Variants in GALNT16 observed in about 807,000 individuals in gnomAD.
GALNT16 encodes the protein polypeptide N-acetylgalactosaminyltransferase 16, also known as UDP-GalNAc:polypeptide N-acetylgalactosaminyltransferase-like protein 1.
GALNT16 carries 40 observed loss-of-function variants against 76.1 expected under a neutral mutation model. That is an observed-to-expected ratio of 0.53 (90% CI 0.41 to 0.68). The LOEUF is 0.68. Among genes scored for constraint, GALNT16 ranks in the 30% least tolerant of loss-of-function variants. The pLI, the probability that GALNT16 is intolerant of heterozygous loss-of-function variation, is 0.00. For synonymous variants in GALNT16, 276 were observed against 285.2 expected (o/e 0.97, Z 0.32); for missense variants, 621 against 731.9 (o/e 0.85, Z 1.75).
At chr14:69,371,657 T>A in the GALNT16 span, among the ~76,000 whole-genome samples, 1 of 151,900 alleles carries the variant, frequency 6.6e-6, no homozygotes, top group South Asian at 2.1e-4. Flanking sequence ...TAATAATAGT[T>A]ATCATTGGCC....
chr14:69,305,799 TTGTTGC>T (rs2044924502), intron 1 of GALNT16, among the ~76,000 whole-genome samples: 3 of 152,208 alleles, frequency 2.0e-5, no homozygotes, highest in Admixed American at 2.0e-4. Flanking sequence ...ATTTTTGTTT[TTGTTGC>T]TTGTGTTTTT....
intron 1 of GALNT16, among the ~76,000 whole-genome samples, chr14:69,264,281 A>G (rs1356651304): frequency 6.6e-6 from 1 of 152,206 alleles, no homozygotes; most frequent in Non-Finnish European, 1.5e-5. Flanking sequence ...CATGGACACA[A>G]TACTTAACAT....
chr14:69,338,151 C>T (rs2045436567), intron 9 of GALNT16, among the ~76,000 whole-genome samples: 1 of 152,166 alleles, frequency 6.6e-6, no homozygotes, highest in South Asian at 2.1e-4. Flanking sequence ...CCAGTGAGAG[C>T]CTGTACAAGG....
chr14:69,323,000 G>A (rs1359745096), intron 2 of GALNT16, among the ~76,000 whole-genome samples: 1 of 32,400 alleles, frequency 3.1e-5, no homozygotes, highest in African/African-American at 2.7e-4. Context: ...ACGCGCGCAC[G>A]CATGCACACG....
chr14:69,368,266 G>A, the GALNT16 span, among the ~76,000 whole-genome samples: 2 of 152,128 alleles, frequency 1.3e-5, no homozygotes, highest in Non-Finnish European at 2.9e-5. Flanking sequence ...CAATTTAGTG[G>A]CTGGAAACAA....
At chr14:69,336,949 ACTC>A (rs1010711519) in intron 9 of GALNT16, among the ~76,000 whole-genome samples, 1 of 151,850 alleles carries the variant, frequency 6.6e-6, no homozygotes, top group Non-Finnish European at 1.5e-5. Context: ...CTGGTCTCGA[ACTC>A]CTGAGCTCAG....
chr14:69,298,764 C>T (rs1053825504), intron 1 of GALNT16: 2 of 152,540 alleles, frequency 1.3e-5, no homozygotes, highest in Non-Finnish European at 2.9e-5. Context: ...TGGGTATCTT[C>T]TGTGGTGCTG....
chr14:69,302,791 C>A (rs968349639), intron 1 of GALNT16, among the ~76,000 whole-genome samples: 1 of 152,070 alleles, frequency 6.6e-6, no homozygotes, highest in Admixed American at 6.5e-5. Flanking sequence ...ATAACTATAT[C>A]CCAATTTGAA....
chr14:69,358,158 G>T (rs1170034000), downstream of GALNT16: 1 of 152,288 alleles, frequency 6.6e-6, no homozygotes, highest in Non-Finnish European at 1.5e-5. Context: ...GGAAACTAGG[G>T]ATGGCAGGAG....
At chr14:69,361,087 C>A (rs1053898806), downstream of GALNT16, among the ~76,000 whole-genome samples, 4 of 152,186 alleles carry the variant, frequency 2.6e-5, no homozygotes, top group Non-Finnish European at 5.9e-5. Flanking sequence ...CAATACCAGC[C>A]ACATATGGTT....
intron 5 of GALNT16, 41 bp downstream of exon 5, chr14:69,326,068 G>T (rs760925650): frequency 9.4e-6 from 14 of 1,485,280 alleles, no homozygotes; most frequent in Non-Finnish European, 1.2e-5. Context: ...GGCCCATCTT[G>T]GTGTCATCCT....
the GALNT16 span, among the ~76,000 whole-genome samples, chr14:69,382,335 C>T: frequency 6.6e-6 from 1 of 152,136 alleles, no homozygotes; most frequent in Non-Finnish European, 1.5e-5. Context: ...ATTAAATAAG[C>T]TCTAAGCTAG....
At chr14:69,370,240 G>A in the GALNT16 span, among the ~76,000 whole-genome samples, 4 of 152,166 alleles carry the variant, frequency 2.6e-5, no homozygotes, top group South Asian at 4.1e-4. Context: ...GAGCTACCTC[G>A]GGCTTCCTTG....
the GALNT16 span, among the ~76,000 whole-genome samples, chr14:69,379,501 C>G: frequency 1.1e-4 from 16 of 152,118 alleles, no homozygotes; most frequent in Admixed American, 2.0e-4. Flanking sequence ...CAATCATGAG[C>G]CTTCCAAAAA....
intron 13 of GALNT16, 68 bp from the exon 14 acceptor site, chr14:69,347,809 C>G: frequency 5.1e-6 from 8 of 1,561,138 alleles, no homozygotes; most frequent in Non-Finnish European, 6.1e-6. Flanking sequence ...TGCTTTATCC[C>G]CTATCTACCC....
chr14:69,315,636 G>A (rs998137757), intron 1 of GALNT16, among the ~76,000 whole-genome samples: 1 of 152,208 alleles, frequency 6.6e-6, no homozygotes, highest in African/African-American at 2.4e-5. Flanking sequence ...ATTTTGGAAT[G>A]GAGTGTTGAC....
intron 2 of GALNT16, among the ~76,000 whole-genome samples, chr14:69,321,459 T>C (rs2140164032): frequency 6.6e-6 from 1 of 152,268 alleles, no homozygotes; most frequent in East Asian, 1.9e-4. Context: ...TCTATGCCCT[T>C]GTGTGTTCTG....
the GALNT16 span, among the ~76,000 whole-genome samples, chr14:69,380,883 C>G: frequency 6.6e-6 from 1 of 152,180 alleles, no homozygotes; most frequent in Admixed American, 6.5e-5. Context: ...GTTAAATGCC[C>G]AATATGTTAC....
At chr14:69,294,036 G>A (rs1399833375) in intron 1 of GALNT16, among the ~76,000 whole-genome samples, 4 of 152,004 alleles carry the variant, frequency 2.6e-5, no homozygotes, top group Non-Finnish European at 4.4e-5. Flanking sequence ...GACTAGAGGT[G>A]TGCACCACCA....
Sources: gnomAD v4.1 joint callset for allele counts (sites outside exome capture counted in the v4.1 genomes callset) on GRCh38, gnomAD v4.1.1 for gene constraint, MANE v1.5 for transcripts, NCBI Gene and HGNC (gene_info 2026-07-23, HGNC 2026-07-21) for gene names.